Variants in FER observed in about 807,000 individuals in gnomAD.
FER encodes the protein tyrosine-protein kinase Fer.
FER carries 63 observed loss-of-function variants against 111.0 expected under a neutral mutation model. That is an observed-to-expected ratio of 0.57 (90% CI 0.46 to 0.70). The LOEUF (loss-of-function observed/expected upper bound fraction) is 0.70. FER is among the 30% of genes least tolerant of loss of function. FER has a pLI of 0.00. For missense variants in FER, 914 were observed against 954.0 expected (o/e 0.96, Z 0.55); for synonymous variants, 327 against 313.9 (o/e 1.04, Z -0.44).
intron 2 of FER, among the ~76,000 whole-genome samples, chr5:108,786,563 C>T (rs889484717): frequency 1.4e-4 from 22 of 152,138 alleles, no homozygotes; most frequent in South Asian, 4.2e-4. Flanking sequence ...TGCAGTGATG[C>T]GAGGGGGGCT....
At position 108,798,294 on chromosome 5, in the gene FER, A is replaced by G. The variant is rs900854674; in HGVS notation, c.112A>G (p.Ser38Gly). ...VKKFMALRIK[S>G]DKEYASTLQN... ...GAAATTTATGGCCCTGAGAATAAAA[A>G]GTGATAAAGAATATGCATCTACTTT... Residue 38 changes from serine (S) to glycine (G), a missense_variant, in exon 3 of 20, where the codon AGT becomes GGT. This residue lies in a region of FER where 774 missense variants were observed against 782.6 expected (regional missense o/e 0.99). Coordinates refer to ENST00000281092, the MANE Select transcript of FER (RefSeq NM_005246.4). 1 of 1,614,066 alleles carries G rather than the reference A, an allele frequency of 6.2e-7. No homozygotes were observed. Among genetic ancestry groups the G allele is most frequent in the Non-Finnish European group, 8.5e-7 (1 of 1,179,916 alleles).
chr5:109,014,453 G>A (rs1766754439), intron 13 of FER, among the ~76,000 whole-genome samples: 1 of 152,012 alleles, frequency 6.6e-6, no homozygotes, highest in South Asian at 2.1e-4. Context: ...CTCTGTTTTG[G>A]TACCAGCACC....
chr5:109,183,747 A>C (rs1216438285), intron 18 of FER, among the ~76,000 whole-genome samples: 1 of 152,122 alleles, frequency 6.6e-6, no homozygotes, highest in African/African-American at 2.4e-5. Flanking sequence ...CCTGGGCAAC[A>C]CAGCGAGACC....
intron 8 of FER, among the ~76,000 whole-genome samples, chr5:108,879,701 A>AAAAAATATATATATAT: frequency 5.0e-4 from 50 of 99,086 alleles, no homozygotes; most frequent in African/African-American, 2.0e-3. Context: ...ATTAAAAAAA[A>AAAAAATATATATATAT]ATATATATAT....
In FER at chr5:109,190,180, C is replaced by T. The variant is rs1759278105; in HGVS notation, c.*2605C>T. On this transcript the variant is annotated 3_prime_UTR_variant, in exon 20 of 20. Transcript: ENST00000281092. ...AATTATATACTTTAGGAGGCTAATC[C>T]ATGCCCAGGAAGCACGAACATACTG... 6.6e-6 allele frequency: 1 copy of T among 152,058 alleles called. No individual in the cohort carries two copies. The highest frequency in any genetic ancestry group is 2.4e-5 in the African/African-American group (1 of 41,390). The allele number at this position is 152,058 out of a possible 1,614,324, so 9.4% of individuals were successfully genotyped here. A position where few individuals can be genotyped will look rare whatever the true frequency, so the allele number is the denominator to read the frequency against.
intron 10 of FER, among the ~76,000 whole-genome samples, chr5:108,931,788 C>T (rs191055926): frequency 4.6e-5 from 7 of 152,078 alleles, no homozygotes; most frequent in Admixed American, 1.3e-4. Context: ...CAAGAATGCA[C>T]CATTGCACTC....
intron 2 of FER, among the ~76,000 whole-genome samples, chr5:108,796,203 T>G (rs1258261662): frequency 6.6e-6 from 1 of 152,208 alleles, no homozygotes; most frequent in East Asian, 1.9e-4. Context: ...TCTTGTTCCC[T>G]TTCGTTACTT....
In FER at chr5:108,763,114, T is replaced by C. The variant is rs148471521; in HGVS notation, c.-205-4979T>C. Among the ~76,000 whole-genome samples, 1,352 of 152,166 alleles carry C rather than the reference T, an allele frequency of 8.9e-3. 16 individuals are homozygous for C. Among genetic ancestry groups the C allele is most frequent in the African/African-American group, 0.031 (1,269 of 41,508 alleles). ...GAAAACTCATGGCACACAGATAGCA[T>C]AGTAGGCTTTCAGCAAATATTTGTT... On this transcript the variant is annotated intron_variant, in intron 1 of 19. Transcript: ENST00000281092.
At chr5:108,903,064 A>G (rs1750266900) in intron 10 of FER, among the ~76,000 whole-genome samples, 1 of 152,156 alleles carries the variant, frequency 6.6e-6, no homozygotes, top group African/African-American at 2.4e-5. Flanking sequence ...ACTTTATGAC[A>G]ATATATGCTT....
At chr5:108,895,089 C>T (rs1466904109) in intron 9 of FER, among the ~76,000 whole-genome samples, 4 of 152,056 alleles carry the variant, frequency 2.6e-5, no homozygotes, top group East Asian at 3.9e-4. Context: ...TGGAAGATCC[C>T]ATTTATTATC....
At chr5:109,109,007 T>C (rs930728245) in intron 17 of FER, among the ~76,000 whole-genome samples, 2 of 152,186 alleles carry the variant, frequency 1.3e-5, no homozygotes, top group Non-Finnish European at 2.9e-5. Flanking sequence ...GGCTTCTCTT[T>C]TAAAGTGTTC....
chr5:109,063,188 A>G (rs551037339), intron 16 of FER, among the ~76,000 whole-genome samples: 216 of 152,278 alleles, frequency 1.4e-3, no homozygotes, highest in African/African-American at 4.7e-3. Flanking sequence ...TTTCATTTGC[A>G]TTTGTAATTT....
chr5:108,945,765 A>G (rs1270179154), intron 10 of FER, among the ~76,000 whole-genome samples: 2 of 151,906 alleles, frequency 1.3e-5, no homozygotes, highest in Admixed American at 1.3e-4. Context: ...TATCCGAAAT[A>G]GTCTGTTAAA....
chr5:109,036,167 T>C (rs1770364895), intron 13 of FER, among the ~76,000 whole-genome samples: 1 of 152,172 alleles, frequency 6.6e-6, no homozygotes, highest in Non-Finnish European at 1.5e-5. Context: ...GGTCCAATTT[T>C]CATTTCTTTT....
At chr5:108,922,082 T>C (rs751251855) in intron 10 of FER, among the ~76,000 whole-genome samples, 9 of 152,048 alleles carry the variant, frequency 5.9e-5, no homozygotes, top group Non-Finnish European at 1.3e-4. Flanking sequence ...GAGGCAGATA[T>C]TGGAATTATG....
chr5:109,165,615 TG>T, intron 17 of FER, among the ~76,000 whole-genome samples: 1 of 145,612 alleles, frequency 6.9e-6, no homozygotes, highest in Non-Finnish European at 1.5e-5. Context: ...TGTGTGTGTG[TG>T]TGTGTGTGTG....
intron 10 of FER, among the ~76,000 whole-genome samples, chr5:108,899,307 A>G (rs1371641441): frequency 6.6e-6 from 1 of 152,208 alleles, no homozygotes; most frequent in African/African-American, 2.4e-5. Context: ...GGATCTCAGC[A>G]CATGTACCAA....
At chr5:108,855,304 C>A (rs895907948) in intron 5 of FER, among the ~76,000 whole-genome samples, 4 of 152,066 alleles carry the variant, frequency 2.6e-5, no homozygotes, top group African/African-American at 9.7e-5. Context: ...CTGAGCCCAA[C>A]ATTAAGAAGT....
chr5:109,011,619 T>G (rs560091288), intron 13 of FER, among the ~76,000 whole-genome samples: 11 of 152,298 alleles, frequency 7.2e-5, no homozygotes, highest in African/African-American at 2.6e-4. Flanking sequence ...GTTTTCTCCT[T>G]TTTTGCATGT....
Sources: gnomAD v4.1 joint callset for allele counts (sites outside exome capture counted in the v4.1 genomes callset) on GRCh38, gnomAD v4.1.1 for gene constraint, gnomAD v4.1.1 regional missense constraint, MANE v1.5 for transcripts, NCBI Gene and HGNC (gene_info 2026-07-23, HGNC 2026-07-21) for gene names.